The following OR2C1 variants were observed in gnomAD, a reference collection of about 807,000 sequenced individuals.
OR2C1 encodes olfactory receptor 2C1.
For synonymous variants in OR2C1, 209 were observed against 167.3 expected, an observed-to-expected ratio of 1.25 and a Z score of -1.92; for missense variants, 468 against 388.3, an observed-to-expected ratio of 1.21 and a Z score of -1.73.
At chr16:3,353,097 G>C (rs1372594109), upstream of OR2C1, among the ~76,000 whole-genome samples, 3 of 152,042 alleles carry the variant, frequency 2.0e-5, no homozygotes, top group East Asian at 5.8e-4. Context: ...TGAACTGGCA[G>C]GAGGTAGTAG....
chr16:3,333,113 C>G, the OR2C1 span, among the ~76,000 whole-genome samples: 1 of 149,452 alleles, frequency 6.7e-6, no homozygotes, highest in African/African-American at 2.5e-5. Context: ...TTTTGATTTG[C>G]ATTTCTCTGA....
At chr16:3,323,530 A>C in the OR2C1 span, 1 of 750,594 alleles carries the variant, frequency 1.3e-6, no homozygotes, top group Non-Finnish European at 2.4e-6. Context: ...GTTCCACTAT[A>C]CGCAGCATTT....
At chr16:3,353,738 T>C (rs961145877), upstream of OR2C1, among the ~76,000 whole-genome samples, 9 of 151,068 alleles carry the variant, frequency 6.0e-5, no homozygotes, top group African/African-American at 2.2e-4. Context: ...GAGGCAGAGG[T>C]TGCAGTGAGC....
the OR2C1 span, among the ~76,000 whole-genome samples, chr16:3,346,819 A>G: frequency 6.6e-6 from 1 of 151,418 alleles, no homozygotes; most frequent in African/African-American, 2.4e-5. Context: ...TTAAGTAGAG[A>G]CAAGGTTTCA....
rs757066340 is a variant in OR2C1 at position 3,356,752 on chromosome 16, G to A, written c.812G>A (p.Gly271Asp). The A allele has an allele frequency of 9.9e-6, 16 of 1,613,390 alleles. No individual in the cohort carries two copies. The highest frequency in any genetic ancestry group is 1.4e-5 in the Non-Finnish European group (16 of 1,179,700). The change falls in exon 1 of 1, where the codon GGC becomes GAC. Residue 271 changes from glycine (G) to aspartate (D), a missense_variant. Gly to Asp is a moderately conservative substitution (Grantham distance 94). Transcript: ENST00000304936. ...LPAKNSKQDQ[G>D]KFISLFYSLV... ...GCCAAGAACAGCAAACAGGACCAGG[G>A]CAAGTTCATTTCCCTGTTCTACTCG...
the OR2C1 span, among the ~76,000 whole-genome samples, chr16:3,329,409 A>T: frequency 0.014 from 2,203 of 152,154 alleles, 49 homozygotes; most frequent in African/African-American, 0.051. Context: ...AAAGGCCAAA[A>T]AGGGGGAAAA....
At position 3,356,265 on chromosome 16, in the gene OR2C1, GCCA is replaced by G; in HGVS notation, c.328_330del (p.Thr110del). The G allele has an allele frequency of 6.2e-7, 1 of 1,613,906 alleles. No homozygotes were observed. Among genetic ancestry groups the G allele is most frequent in the Non-Finnish European group, 8.5e-7 (1 of 1,180,034 alleles). On this transcript the variant is annotated inframe_deletion, in exon 1 of 1. Coordinates refer to ENST00000304936, the MANE Select transcript of OR2C1 (RefSeq NM_012368.3). ...GCTCTATGTCTTCCTTTGGCTGGGG[GCCA>G]CCGAGTGCATCCTGCTGGTGGTGAT... is the stretch of plus-strand genomic sequence containing the variant.
Position 3,356,950 on chromosome 16 carries a change from G to A in OR2C1, c.*71G>A. 1.5e-6 allele frequency: 2 copies of A among 1,290,790 alleles called. No individual in the cohort carries two copies. Among genetic ancestry groups the A allele is most frequent in the Non-Finnish European group, 1.1e-6 (1 of 947,074 alleles). 80.0% of individuals were successfully genotyped at this position (1,290,790 alleles called of 1,614,324 possible). On this transcript the variant is annotated 3_prime_UTR_variant, in exon 1 of 1. Coordinates refer to ENST00000304936, the MANE Select transcript of OR2C1 (RefSeq NM_012368.3). Reference sequence around the variant, plus strand: ...TTTCTCATTAACTCTCTCTGGCCAGGTGAACATGAGGAATACTAATTCCGG... The same window carrying A: ...TTTCTCATTAACTCTCTCTGGCCAGATGAACATGAGGAATACTAATTCCGG...
At chr16:3,332,848 G>C in the OR2C1 span, among the ~76,000 whole-genome samples, 1 of 151,962 alleles carries the variant, frequency 6.6e-6, no homozygotes. Context: ...TGGGAACTCA[G>C]ATATCTCTTC....
In OR2C1 at chr16:3,357,095, A is replaced by G; in HGVS notation, c.*216A>G. 5.8e-6 allele frequency: 3 copies of G among 516,620 alleles called. No individual in the cohort carries two copies. The highest frequency in any genetic ancestry group is 3.5e-6 in the Non-Finnish European group (1 of 282,882). The allele number at this position is 516,620 out of a possible 1,614,324, so 32.0% of individuals were successfully genotyped here. A position where few individuals can be genotyped will look rare whatever the true frequency, so the allele number is the denominator to read the frequency against. On this transcript the variant is annotated 3_prime_UTR_variant, in exon 1 of 1. Transcript: ENST00000304936. ...CCAAAAATCCTACTGTGGACTACCG[A>G]TAGCAGGGGAGACATGTTGTTGAGG... is the stretch of plus-strand genomic sequence containing the variant.
At chr16:3,325,355 G>T in the OR2C1 span, among the ~76,000 whole-genome samples, 1 of 151,616 alleles carries the variant, frequency 6.6e-6, no homozygotes, top group Non-Finnish European at 1.5e-5. Context: ...GTGGGCTTAA[G>T]TGATCCTCCT....
chr16:3,340,184 T>C, the OR2C1 span, among the ~76,000 whole-genome samples: 131,605 of 151,824 alleles, frequency 0.87, 57,125 homozygotes, highest in East Asian at 0.92. Context: ...GAGGCTGAGG[T>C]GGGAGAATTG....
the OR2C1 span, among the ~76,000 whole-genome samples, chr16:3,325,327 C>T: frequency 6.6e-6 from 1 of 151,762 alleles, no homozygotes; most frequent in Non-Finnish European, 1.5e-5. Flanking sequence ...CTATGTCGCC[C>T]AGGCTGGTCT....
chr16:3,346,729 A>G, the OR2C1 span, among the ~76,000 whole-genome samples: 412 of 147,292 alleles, frequency 2.8e-3, no homozygotes, highest in African/African-American at 0.01. Context: ...TCCTGGGTTC[A>G]ATCAATTTTC....
the OR2C1 span, among the ~76,000 whole-genome samples, chr16:3,339,752 G>A: frequency 6.7e-6 from 1 of 150,312 alleles, no homozygotes. Flanking sequence ...CACCGCACCC[G>A]GCCCCATTTT....
the OR2C1 span, among the ~76,000 whole-genome samples, chr16:3,335,152 C>T: frequency 2.6e-5 from 4 of 152,258 alleles, no homozygotes; most frequent in African/African-American, 7.2e-5. Context: ...ATTACTTTTA[C>T]TATTAGTGGT....
chr16:3,334,385 C>G, the OR2C1 span, among the ~76,000 whole-genome samples: 2 of 151,312 alleles, frequency 1.3e-5, no homozygotes, highest in Non-Finnish European at 2.9e-5. Flanking sequence ...ATCCGCCTGC[C>G]TCGGCTTCCC....
At chr16:3,334,082 C>T in the OR2C1 span, among the ~76,000 whole-genome samples, 2 of 151,970 alleles carry the variant, frequency 1.3e-5, no homozygotes, top group Admixed American at 1.3e-4. Context: ...GGGTTATCTT[C>T]CTAACTCAGC....
At chr16:3,344,441 T>C in the OR2C1 span, among the ~76,000 whole-genome samples, 5 of 151,986 alleles carry the variant, frequency 3.3e-5, no homozygotes, top group East Asian at 2.0e-4. Context: ...ATTAGAAAAT[T>C]TGATGGCCGG....
Sources: gnomAD v4.1 joint callset for allele counts (sites outside exome capture counted in the v4.1 genomes callset) on GRCh38, gnomAD v4.1.1 for gene constraint, MANE v1.5 for transcripts, NCBI Gene and HGNC (gene_info 2026-07-23, HGNC 2026-07-21) for gene names.